The following TPPP2 variants were observed in gnomAD, a reference collection of about 807,000 sequenced individuals.
TPPP2 encodes tubulin polymerization-promoting protein family member 2.
A neutral mutation model predicts 13.0 loss-of-function variants in TPPP2; 8 were observed. That is an observed-to-expected ratio of 0.62 (90% CI 0.36 to 1.11). The LOEUF (loss-of-function observed/expected upper bound fraction) is 1.11. TPPP2 is among the 50% of genes most tolerant of loss of function. The pLI, the probability that TPPP2 is intolerant of heterozygous loss-of-function variation, is 0.02. For missense variants in TPPP2, 213 were observed against 216.9 expected (o/e 0.98, Z 0.11); for synonymous variants, 81 against 81.8 (o/e 0.99, Z 0.05).
chr14:21,034,933 C>T (rs149973294), downstream of TPPP2: 1 of 152,628 alleles, frequency 6.6e-6, no homozygotes, highest in Non-Finnish European at 1.5e-5. Flanking sequence ...CCAAAAGTTC[C>T]TAAGTGCCTG....
chr14:21,035,896 A>T, downstream of TPPP2: 1 of 452,600 alleles, frequency 2.2e-6, no homozygotes, highest in Non-Finnish European at 4.4e-6. Context: ...GTTAAGATCA[A>T]GGCTTTTGAG....
At chr14:21,024,955 G>A (rs1883060137) in intron 1 of TPPP2, 1 of 985,632 alleles carries the variant, frequency 1.0e-6, no homozygotes. Context: ...AGGGGACGCG[G>A]ATCAATCACA....
chr14:21,030,883 T>A (rs769679781), intron 2 of TPPP2, 129 bp downstream of exon 2: 9 of 1,505,186 alleles, frequency 6.0e-6, no homozygotes, highest in Non-Finnish European at 8.1e-6. Flanking sequence ...CGCTGTGCTA[T>A]CCTTTGTCTT....
chr14:21,030,968 G>C (rs1884063582), intron 2 of TPPP2, 44 bp from the exon 3 acceptor site: 1 of 1,572,642 alleles, frequency 6.4e-7, no homozygotes, highest in African/African-American at 1.4e-5. Flanking sequence ...GGAAGGTAAT[G>C]CATTCATGCT....
Position 21,025,121 on chromosome 14 carries a change from C to T in TPPP2, n.236+777C>T. 4 of 984,022 alleles carry T rather than the reference C, an allele frequency of 4.1e-6. No individual in the cohort carries two copies. The highest frequency in any genetic ancestry group is 4.7e-5 in the South Asian group (1 of 21,272). 61.0% of individuals were successfully genotyped at this position (984,022 alleles called of 1,614,324 possible). On this transcript the variant is annotated intron_variant and non_coding_transcript_variant, in intron 1 of 1. Coordinates refer to the TPPP2 transcript ENST00000533755. The surrounding 1 kb of genome is among the most constrained non-coding windows in gnomAD (Gnocchi z 5.1). ...CCGCAGACCCGCCCCCGGCCCGCCC[C>T]AGCCCGCCCACGGGCGCTAGGCTCC...
chr14:21,025,700 G>C (rs899358490), upstream of TPPP2: 2 of 984,026 alleles, frequency 2.0e-6, no homozygotes, highest in Non-Finnish European at 2.4e-6. This position sits in a 1 kb window ranked among gnomAD's most constrained non-coding sequence, Gnocchi z 5.1. Flanking sequence ...GCTGCGTCCC[G>C]ACGCCTGCTC....
upstream of TPPP2, among the ~76,000 whole-genome samples, chr14:21,028,254 T>G (rs553547251): frequency 6.6e-5 from 10 of 151,910 alleles, no homozygotes; most frequent in African/African-American, 2.4e-4. Flanking sequence ...TTGTTTTGTT[T>G]TGTTTTGTTT....
At chr14:21,027,780 AATC>A (rs1375354818), upstream of TPPP2, among the ~76,000 whole-genome samples, 9 of 152,340 alleles carry the variant, frequency 5.9e-5, no homozygotes, top group African/African-American at 2.2e-4. Context: ...ACAGTCTAGA[AATC>A]ATTATCTTAC....
At chr14:21,026,924 A>G (rs1013086472), upstream of TPPP2, among the ~76,000 whole-genome samples, 12 of 152,102 alleles carry the variant, frequency 7.9e-5, no homozygotes, top group Non-Finnish European at 1.3e-4. Flanking sequence ...CACCAGAGGA[A>G]CCTGGGGAGA....
downstream of TPPP2, chr14:21,034,022 A>G (rs751077344): frequency 6.2e-7 from 1 of 1,614,118 alleles, no homozygotes; most frequent in East Asian, 2.2e-5. Context: ...AGAAGCTGTC[A>G]CTATACTTGC....
chr14:21,024,476 T>C (rs1286139223), intron 1 of TPPP2: 6 of 972,726 alleles, frequency 6.2e-6, no homozygotes, highest in Non-Finnish European at 7.3e-6. Context: ...CGCGGGGGAA[T>C]AGGGGATCCC....
downstream of TPPP2, chr14:21,036,123 A>T (rs1170598039): frequency 2.2e-6 from 1 of 451,004 alleles, no homozygotes; most frequent in Non-Finnish European, 4.5e-6. Flanking sequence ...TGAGTCCATC[A>T]GTCACACAGC....
intron 3 of TPPP2, among the ~76,000 whole-genome samples, chr14:21,031,509 C>T (rs1884139217): frequency 6.6e-6 from 1 of 152,194 alleles, no homozygotes; most frequent in African/African-American, 2.4e-5. Flanking sequence ...AATCTCAGGC[C>T]TCCTGCCTCT....
chr14:21,035,843 C>T (rs1884587649), downstream of TPPP2: 1 of 456,266 alleles, frequency 2.2e-6, no homozygotes, highest in East Asian at 6.9e-5. Flanking sequence ...TAGACCCCTC[C>T]ACCTCCCCAA....
chr14:21,025,298 AC>A, upstream of TPPP2: 2 of 933,770 alleles, frequency 2.1e-6, no homozygotes, highest in South Asian at 9.9e-5. This position sits in a 1 kb window ranked among gnomAD's most constrained non-coding sequence, Gnocchi z 5.1. Flanking sequence ...ACATTCCACC[AC>A]CCCCTCCCCG....
At chr14:21,033,859 C>T, downstream of TPPP2, 1 of 1,614,026 alleles carries the variant, frequency 6.2e-7, no homozygotes, top group Non-Finnish European at 8.5e-7. Flanking sequence ...ATTGGATCAG[C>T]TTCATACTTG....
At chr14:21,027,888 C>T (rs923226899), upstream of TPPP2, among the ~76,000 whole-genome samples, 1 of 152,172 alleles carries the variant, frequency 6.6e-6, no homozygotes, top group African/African-American at 2.4e-5. Context: ...GAGGGGCATT[C>T]TATCCAGGCA....
At chr14:21,025,458 T>A (rs1883407617), upstream of TPPP2, 11 of 985,492 alleles carry the variant, frequency 1.1e-5, no homozygotes, top group Non-Finnish European at 1.3e-5. The surrounding 1 kb of genome is among the most constrained non-coding windows in gnomAD (Gnocchi z 5.1). Flanking sequence ...GAACCGGTAG[T>A]GGGGAGACGA....
chr14:21,033,548 A>G, downstream of TPPP2: 1 of 500,512 alleles, frequency 2.0e-6, no homozygotes, highest in Non-Finnish European at 3.6e-6. Flanking sequence ...GACACAGTCA[A>G]CTTCTTGGGT....
Sources: gnomAD v4.1 joint callset for allele counts (sites outside exome capture counted in the v4.1 genomes callset) on GRCh38, gnomAD v4.1.1 for gene constraint, Gnocchi (gnomAD v3.1) non-coding constraint, MANE v1.5 for transcripts, NCBI Gene and HGNC (gene_info 2026-07-23, HGNC 2026-07-21) for gene names.